Variants in CACHD1 observed in about 807,000 individuals in gnomAD.
CACHD1 encodes VWFA and cache domain-containing protein 1.
CACHD1 carries 71 observed loss-of-function variants against 138.7 expected under a neutral mutation model. The observed-to-expected ratio is 0.51, with a 90% CI of 0.42 to 0.62. The LOEUF is 0.62. CACHD1 is among the 20% of genes least tolerant of loss of function. CACHD1 has a pLI of 0.00. For missense variants in CACHD1, 1,389 were observed against 1,625.3 expected, an observed-to-expected ratio of 0.85 and a Z score of 2.50; for synonymous variants, 578 against 591.5, an observed-to-expected ratio of 0.98 and a Z score of 0.33.
chr1:64,655,564 T>G (rs923101729), intron 12 of CACHD1, among the ~76,000 whole-genome samples: 1 of 152,192 alleles, frequency 6.6e-6, no homozygotes, highest in Non-Finnish European at 1.5e-5. Flanking sequence ...GAAATTGGAT[T>G]ATTCATGTTC....
At chr1:64,689,479 C>T (rs911759122) in intron 26 of CACHD1, among the ~76,000 whole-genome samples, 2 of 152,170 alleles carry the variant, frequency 1.3e-5, no homozygotes, top group African/African-American at 4.8e-5. Context: ...GTTTAATTCT[C>T]TATCCCTCAC....
intron 19 of CACHD1, among the ~76,000 whole-genome samples, chr1:64,673,842 C>A (rs1316533310): frequency 1.3e-5 from 2 of 152,168 alleles, no homozygotes; most frequent in Non-Finnish European, 2.9e-5. Context: ...CTTAAATTCC[C>A]AAGGCCAAGT....
rs547902939 is a variant in CACHD1 at position 64,617,830 on chromosome 1, A to G, written c.518-11525A>G. 2.0e-5 allele frequency among the ~76,000 whole-genome samples: 3 copies of G among 152,296 alleles called. No individual in the cohort carries two copies. In the East Asian group the frequency reaches 5.8e-4, roughly 29 times the overall value. On this transcript the variant is annotated intron_variant, in intron 4 of 26. Coordinates refer to ENST00000651257, the MANE Select transcript of CACHD1 (RefSeq NM_020925.4). ...GCAGTGGCTCATGCCTGTAATCCCAATACTTTGGGAGACCAAGGTGGGTGG... is the reference window on the plus strand; with the variant it reads ...GCAGTGGCTCATGCCTGTAATCCCAGTACTTTGGGAGACCAAGGTGGGTGG...
intron 7 of CACHD1, among the ~76,000 whole-genome samples, chr1:64,635,498 C>T (rs1443050048): frequency 6.6e-6 from 1 of 150,902 alleles, no homozygotes; most frequent in Non-Finnish European, 1.5e-5. Flanking sequence ...ATTCTCCTGC[C>T]TCAGCCTCCT....
intron 1 of CACHD1, among the ~76,000 whole-genome samples, chr1:64,511,034 A>G (rs305581): frequency 0.19 from 28,225 of 152,098 alleles, 4,784 homozygotes; most frequent in African/African-American, 0.45. Flanking sequence ...GCTGATATCT[A>G]TGTGGCAGGT....
chr1:64,556,821 C>T (rs531637919), intron 2 of CACHD1, among the ~76,000 whole-genome samples: 8 of 152,284 alleles, frequency 5.3e-5, no homozygotes, highest in South Asian at 4.1e-4. Flanking sequence ...TAAAATTCCA[C>T]GCACACATTC....
Position 64,484,467 on chromosome 1 carries a change from T to A in CACHD1, c.198+13525T>A, listed in dbSNP as rs115705348. On this transcript the variant is annotated intron_variant, in intron 1 of 26. Coordinates refer to ENST00000651257, the MANE Select transcript of CACHD1 (RefSeq NM_020925.4). ...GTGAAGGGAGGAATTTGGGTTCTTA[T>A]TCCTCTTCAATTCAGGTATATTTCC... Among the ~76,000 whole-genome samples the A allele has an allele frequency of 8.5e-3, 1,291 of 152,288 alleles. 18 individuals carry two copies. Among genetic ancestry groups the A allele is most frequent in the African/African-American group, 0.029 (1,224 of 41,560 alleles).
At chr1:64,648,687 ACAT>A (rs1299504775) in intron 9 of CACHD1, among the ~76,000 whole-genome samples, 1 of 152,174 alleles carries the variant, frequency 6.6e-6, no homozygotes, top group Non-Finnish European at 1.5e-5. Context: ...ATTATTACTA[ACAT>A]CAGCATCACC....
intron 1 of CACHD1, among the ~76,000 whole-genome samples, chr1:64,534,573 G>A (rs190478782): frequency 5.6e-4 from 85 of 152,330 alleles, no homozygotes; most frequent in Middle Eastern, 6.8e-3. Flanking sequence ...TGGATGGAAT[G>A]TCCCTTCCTC....
chr1:64,658,080 A>C (rs1320961461), intron 12 of CACHD1, among the ~76,000 whole-genome samples: 1 of 152,234 alleles, frequency 6.6e-6, no homozygotes, highest in African/African-American at 2.4e-5. Flanking sequence ...ATACTTGCCT[A>C]CCATGGTCTG....
At chr1:64,484,470 C>G (rs1399589379) in intron 1 of CACHD1, among the ~76,000 whole-genome samples, 1 of 152,102 alleles carries the variant, frequency 6.6e-6, no homozygotes, top group African/African-American at 2.4e-5. Context: ...GTTCTTATTC[C>G]TCTTCAATTC....
intron 4 of CACHD1, among the ~76,000 whole-genome samples, chr1:64,609,629 T>G (rs956253729): frequency 6.6e-6 from 1 of 152,158 alleles, no homozygotes; most frequent in African/African-American, 2.4e-5. Flanking sequence ...TTCAGAAGAT[T>G]TTGTTAGCCA....
At chr1:64,663,537 C>T (rs1392831225) in intron 13 of CACHD1, among the ~76,000 whole-genome samples, 158 bp from the exon 14 acceptor site, 15 of 135,842 alleles carry the variant, frequency 1.1e-4, no homozygotes, top group Non-Finnish European at 2.0e-4. Flanking sequence ...GGCCACAGAG[C>T]GAGACTCCAT....
At chr1:64,522,000 T>C (rs1646501532) in intron 1 of CACHD1, among the ~76,000 whole-genome samples, 1 of 152,370 alleles carries the variant, frequency 6.6e-6, no homozygotes, top group Non-Finnish European at 1.5e-5. Context: ...GTTTCTCATG[T>C]TATTTGTGCC....
intron 9 of CACHD1, among the ~76,000 whole-genome samples, chr1:64,650,722 T>C (rs1649060628): frequency 6.6e-6 from 1 of 152,196 alleles, no homozygotes; most frequent in South Asian, 2.1e-4. Flanking sequence ...CTTCAGGAGT[T>C]TTAAATCCCT....
chr1:64,576,458 G>T (rs138917069), intron 2 of CACHD1, among the ~76,000 whole-genome samples: 3 of 151,968 alleles, frequency 2.0e-5, no homozygotes, highest in African/African-American at 4.8e-5. Context: ...GCCTGGGTTT[G>T]GTTGGCGTGC....
intron 16 of CACHD1, among the ~76,000 whole-genome samples, chr1:64,670,800 A>G (rs927978978): frequency 6.6e-6 from 1 of 152,208 alleles, no homozygotes; most frequent in East Asian, 1.9e-4. Context: ...TATTGAATCC[A>G]TTTTCAGGTG....
At chr1:64,566,486 C>G (rs1005353606) in intron 2 of CACHD1, among the ~76,000 whole-genome samples, 1 of 143,630 alleles carries the variant, frequency 7.0e-6, no homozygotes, top group African/African-American at 2.4e-5. Flanking sequence ...AATTCCCCCC[C>G]CCCCACAAGG....
chr1:64,509,988 T>G (rs1383040321), intron 1 of CACHD1, among the ~76,000 whole-genome samples: 1 of 152,186 alleles, frequency 6.6e-6, no homozygotes, highest in Admixed American at 6.5e-5. Context: ...TACATACATT[T>G]CACATTTATG....
Sources: gnomAD v4.1 joint callset for allele counts (sites outside exome capture counted in the v4.1 genomes callset) on GRCh38, gnomAD v4.1.1 for gene constraint, MANE v1.5 for transcripts, NCBI Gene and HGNC (gene_info 2026-07-23, HGNC 2026-07-21) for gene names.